Variants in ADGB observed in about 807,000 individuals in gnomAD.
ADGB encodes the protein calpain-7-like protein.
ADGB carries 172 observed loss-of-function variants against 210.5 expected under a neutral mutation model. The ratio of observed to expected loss-of-function variants is 0.82; its 90% CI spans 0.72 to 0.93. The LOEUF (loss-of-function observed/expected upper bound fraction) is 0.93. Among genes scored for constraint, ADGB ranks in the 40% least tolerant of loss-of-function variants. The pLI, the probability that ADGB is intolerant of heterozygous loss-of-function variation, is 0.00. For synonymous variants in ADGB, 658 were observed against 662.7 expected (o/e 0.99, Z 0.11); for missense variants, 2,025 against 1,964.8 (o/e 1.03, Z -0.58).
chr6:146,691,433 T>TAC lies in ADGB; in HGVS notation c.1486+144_1486+145insCA. 1.1e-4 allele frequency: 3 copies of TAC among 28,492 alleles called. 1 individual carries two copies. The South Asian group carries it at 4.5e-3, about 43-fold the overall frequency. The allele number at this position is 28,492 out of a possible 1,614,324, so 1.8% of individuals were successfully genotyped here. ...TTTAATATATATATATATATATATA[T>TAC]ATATATATAAAAATATATATATATA... On this transcript the variant is annotated intron_variant, in intron 11 of 35. Coordinates refer to ENST00000397944, the MANE Select transcript of ADGB (RefSeq NM_024694.4).
chr6:146,789,572 A>G (rs1334948823), intron 33 of ADGB, among the ~76,000 whole-genome samples: 1 of 152,222 alleles, frequency 6.6e-6, no homozygotes, highest in Non-Finnish European at 1.5e-5. Flanking sequence ...GAAAATTCTA[A>G]AATTAAAAGG....
intron 5 of ADGB, among the ~76,000 whole-genome samples, chr6:146,662,349 G>A (rs1023539470): frequency 6.6e-5 from 10 of 151,910 alleles, no homozygotes; most frequent in African/African-American, 1.5e-4. Flanking sequence ...CCTGTTATTC[G>A]TAATTTCTAT....
At chr6:146,664,388 A>C in intron 6 of ADGB, 48 bp downstream of exon 6, 1 of 1,497,968 alleles carries the variant, frequency 6.7e-7, no homozygotes, top group Non-Finnish European at 8.9e-7. Flanking sequence ...GCAAACAAAA[A>C]CATTAACTAT....
At chr6:146,687,918 C>A (rs1776254659) in intron 10 of ADGB, among the ~76,000 whole-genome samples, 1 of 151,928 alleles carries the variant, frequency 6.6e-6, no homozygotes, top group African/African-American at 2.4e-5. Flanking sequence ...ACAAAATAAT[C>A]CTTTTGAACT....
chr6:146,720,091 A>T (rs529134722), intron 16 of ADGB, among the ~76,000 whole-genome samples: 1 of 152,270 alleles, frequency 6.6e-6, no homozygotes, highest in South Asian at 2.1e-4. Context: ...TAATGTGAAA[A>T]ACTTTTAAAG....
chr6:146,745,312 T>C (rs1777212698), intron 25 of ADGB, among the ~76,000 whole-genome samples: 1 of 152,188 alleles, frequency 6.6e-6, no homozygotes, highest in Admixed American at 6.5e-5. Flanking sequence ...TCACTGACTT[T>C]TTAGTCAGCT....
rs1350798574 is a variant in ADGB, at chr6:146,734,683, G to A, written c.2794+653G>A. Among the ~76,000 whole-genome samples the A allele has an allele frequency of 2.6e-5, 4 of 152,280 alleles. No individual in the cohort carries two copies. The Middle Eastern group carries it at 0.01, about 388-fold the overall frequency. On this transcript the variant is annotated intron_variant, in intron 22 of 35. Transcript: ENST00000397944. ...CAAGCACTTTGGGAGGCTGAGGGGG[G>A]CAGATTGCTTGAGCTCTGGAGTTCA...
chr6:146,704,299 A>AAAC (rs1776536147), intron 13 of ADGB, among the ~76,000 whole-genome samples: 2 of 151,854 alleles, frequency 1.3e-5, no homozygotes, highest in African/African-American at 4.8e-5. Context: ...AAAAAAAAAA[A>AAAC]AATTTAGTTT....
In ADGB at chr6:146,788,494, A is replaced by C; in HGVS notation, c.4421A>C (p.Lys1474Thr). Residue 1474 changes from lysine (K) to threonine (T), a missense_variant, in exon 33 of 36, where the codon AAG becomes ACG. Coordinates refer to ENST00000397944, the MANE Select transcript of ADGB (RefSeq NM_024694.4). ...QTGSGSAVWK[K>T]WQLTKGLRDV... ...GGATCAGGGAGTGCGGTGTGGAAGA[A>C]GTGGCAATTGACCAAAGGCTTGAGG... The C allele has an allele frequency of 6.4e-7, 1 of 1,551,678 alleles. No individual in the cohort carries two copies. Among genetic ancestry groups the C allele is most frequent in the Non-Finnish European group, 8.7e-7 (1 of 1,146,944 alleles).
chr6:146,701,163 T>C, intron 13 of ADGB, 93 bp downstream of exon 13: 1 of 1,340,844 alleles, frequency 7.5e-7, no homozygotes, highest in Non-Finnish European at 1.0e-6. Flanking sequence ...CAAAAGAATG[T>C]ATAACATGGA....
At chr6:146,727,811 T>C (rs762697748) in intron 19 of ADGB, among the ~76,000 whole-genome samples, 18 of 152,190 alleles carry the variant, frequency 1.2e-4, no homozygotes, top group Non-Finnish European at 2.1e-4. Context: ...GTGAGGATTC[T>C]AAGTCAGTGT....
intron 6 of ADGB, 95 bp downstream of exon 6, chr6:146,664,435 C>A: frequency 1.6e-6 from 2 of 1,278,900 alleles, no homozygotes; most frequent in Admixed American, 3.1e-5. Context: ...TTAAAATTAG[C>A]TAAAAGACAG....
In ADGB at chr6:146,644,848, G is replaced by A; in HGVS notation, c.313G>A (p.Asp105Asn). 6.7e-6 allele frequency: 10 copies of A among 1,486,450 alleles called. No homozygotes were observed. Among genetic ancestry groups the A allele is most frequent in the Non-Finnish European group, 9.0e-6 (10 of 1,116,926 alleles). 92.1% of individuals were successfully genotyped at this position (1,486,450 alleles called of 1,614,324 possible). The change falls in exon 3 of 36, where the codon GAT becomes AAT. Residue 105 changes from aspartate (D) to asparagine (N), a missense_variant. By Grantham distance (23) the Asp-to-Asn change is conservative. Coordinates refer to ENST00000397944, the MANE Select transcript of ADGB (RefSeq NM_024694.4). Reference sequence around the variant, plus strand: ...AATTTATTCCTGGAAACGTCCACAAGATATTTTATTTAGTCAGGTAAGAAA... The same window carrying A: ...AATTTATTCCTGGAAACGTCCACAAAATATTTTATTTAGTCAGGTAAGAAA... ...LKIYSWKRPQDILFSQTPVVV... is the reference protein window; with the variant it reads ...LKIYSWKRPQNILFSQTPVVV...
At chr6:146,632,024 G>C (rs2114855361) in intron 1 of ADGB, among the ~76,000 whole-genome samples, 1 of 151,204 alleles carries the variant, frequency 6.6e-6, no homozygotes, top group East Asian at 2.0e-4. Context: ...CTTCCAGTGT[G>C]TTTTTCCTAC....
At chr6:146,658,899 G>C (rs1033445990) in intron 5 of ADGB, among the ~76,000 whole-genome samples, 11 of 152,166 alleles carry the variant, frequency 7.2e-5, no homozygotes. Flanking sequence ...TACAGAGGAT[G>C]CTGTGAGCAC....
chr6:146,692,085 C>A (rs534980202), intron 11 of ADGB, among the ~76,000 whole-genome samples: 1 of 152,096 alleles, frequency 6.6e-6, no homozygotes, highest in Non-Finnish European at 1.5e-5. Flanking sequence ...GTTATTCATT[C>A]AGGGCATTGA....
chr6:146,765,515 T>C (rs930671127), intron 28 of ADGB, among the ~76,000 whole-genome samples: 7 of 151,802 alleles, frequency 4.6e-5, no homozygotes, highest in Non-Finnish European at 1.5e-5. Flanking sequence ...TATCATATAG[T>C]ATGTTATCTG....
chr6:146,807,144 TA>T (rs745894150), intron 35 of ADGB, among the ~76,000 whole-genome samples: 3 of 152,096 alleles, frequency 2.0e-5, no homozygotes, highest in Non-Finnish European at 4.4e-5. Context: ...ATACCTTTGG[TA>T]AAAAAAAGTA....
At position 146,784,726 on chromosome 6, in the gene ADGB, G is replaced by A. The variant is rs376248674; in HGVS notation, c.4144G>A (p.Glu1382Lys). 5.5e-5 allele frequency: 86 copies of A among 1,551,194 alleles called. No homozygotes were observed. The African/African-American group carries it at 1.0e-3, about 18-fold the overall frequency. Reference sequence around the variant, plus strand: ...ATTATTTGAAGTGAAAAAGGATACAGAAAGGGCAGATGAAATCCGAGCCAT... The same window carrying A: ...ATTATTTGAAGTGAAAAAGGATACAAAAAGGGCAGATGAAATCCGAGCCAT... ...SELFEVKKDT[E>K]RADEIRAMKQ... Residue 1382 changes from glutamate to lysine, a missense_variant, in exon 31 of 36, where the codon GAA becomes AAA. Glu to Lys is a moderately conservative substitution (Grantham distance 56, BLOSUM62 1). Coordinates refer to ENST00000397944, the MANE Select transcript of ADGB (RefSeq NM_024694.4).
Sources: allele counts gnomAD v4.1 joint callset (sites outside exome capture counted in the v4.1 genomes callset), GRCh38; gene constraint gnomAD v4.1.1; transcripts MANE v1.5; gene names NCBI Gene and HGNC (gene_info 2026-07-23, HGNC 2026-07-21).